Variants in AGBL4 observed in about 807,000 individuals in gnomAD.
AGBL4 encodes the protein AGBL carboxypeptidase 4, also known as cytosolic carboxypeptidase 6.
Under a neutral mutation model 66.4 loss-of-function variants are expected in AGBL4, and 58 were observed. That is an observed-to-expected ratio of 0.87 (90% CI 0.71 to 1.09). The LOEUF is 1.09. Ranked by LOEUF, AGBL4 falls within the 50% of genes least tolerant of loss-of-function variation. AGBL4 has a pLI of 0.00. For missense variants in AGBL4, 579 were observed against 631.0 expected, an observed-to-expected ratio of 0.92 and a Z score of 0.88; for synonymous variants, 234 against 222.9, an observed-to-expected ratio of 1.05 and a Z score of -0.44.
chr1:48,680,326 T>C (rs1029082821), intron 6 of AGBL4, among the ~76,000 whole-genome samples: 3 of 152,216 alleles, frequency 2.0e-5, no homozygotes, highest in Non-Finnish European at 4.4e-5. Flanking sequence ...ATCGTGTCCG[T>C]TACCTTGCAA....
At chr1:48,954,275 A>G (rs1657248824) in intron 5 of AGBL4, among the ~76,000 whole-genome samples, 1 of 152,236 alleles carries the variant, frequency 6.6e-6, no homozygotes, top group Admixed American at 6.5e-5. Flanking sequence ...ACTCTCCCAG[A>G]AATAAACCAC....
chr1:49,036,817 A>C (rs1418301048), intron 5 of AGBL4, among the ~76,000 whole-genome samples: 1 of 150,146 alleles, frequency 6.7e-6, no homozygotes, highest in African/African-American at 2.5e-5. Flanking sequence ...TCAGTTTTTC[A>C]GCCTTGTCTT....
chr1:48,631,474 T>G (rs904150726), intron 9 of AGBL4, among the ~76,000 whole-genome samples: 26 of 152,182 alleles, frequency 1.7e-4, no homozygotes, highest in African/African-American at 6.3e-4. Context: ...CACTGCAACC[T>G]CCGTCTCCCA....
Position 49,938,043 on chromosome 1 carries a change from T to C in AGBL4, c.34+85720A>G, listed in dbSNP as rs538799322. The stretch of plus-strand genomic sequence containing the variant: ...AGACAAAAAAAGCCCTTGAAAAAAT[T>C]AATGAATCCAGGAGCTGGTTTTTTG... On this transcript the variant is annotated intron_variant, in intron 1 of 13. Transcript: ENST00000371839. 1.6e-3 allele frequency among the ~76,000 whole-genome samples: 240 copies of C among 150,082 alleles called. 3 individuals are homozygous for C. The highest frequency in any genetic ancestry group is 5.1e-3 in the African/African-American group (205 of 40,334).
rs1312772875 is a variant in AGBL4, at chr1:49,286,994, G to A, written c.283-41130C>T. Among the ~76,000 whole-genome samples, 15 of 151,976 alleles carry A rather than the reference G, an allele frequency of 9.9e-5. No individual in the cohort carries two copies. The South Asian group carries it at 2.1e-3, about 21-fold the overall frequency. Reference sequence around the variant, plus strand: ...AAGGCTATAGTAACCAAAACAGCACGGTACTGGTACCAAAACAGAGATATA... The same window carrying A: ...AAGGCTATAGTAACCAAAACAGCACAGTACTGGTACCAAAACAGAGATATA... On this transcript the variant is annotated intron_variant, in intron 3 of 13. Transcript: ENST00000371839.
At chr1:49,038,369 A>G (rs1664831425) in intron 5 of AGBL4, among the ~76,000 whole-genome samples, 1 of 152,116 alleles carries the variant, frequency 6.6e-6, no homozygotes. Flanking sequence ...TAGAAGCCTT[A>G]CTGGCTTAGG....
intron 4 of AGBL4, among the ~76,000 whole-genome samples, chr1:49,189,105 C>T (rs559009621): frequency 6.6e-6 from 1 of 152,158 alleles, no homozygotes; most frequent in African/African-American, 2.4e-5. Context: ...TGTTACCACA[C>T]AGCCAGTGAG....
intron 1 of AGBL4, among the ~76,000 whole-genome samples, chr1:50,015,560 G>C (rs1661914784): frequency 6.6e-6 from 1 of 152,192 alleles, no homozygotes; most frequent in Non-Finnish European, 1.5e-5. Flanking sequence ...GGGAGGCTGA[G>C]ATGAGACCAT....
intron 1 of AGBL4, among the ~76,000 whole-genome samples, chr1:50,016,010 A>G (rs1325803543): frequency 1.3e-5 from 2 of 152,238 alleles, no homozygotes; most frequent in South Asian, 4.1e-4. Context: ...TGTAAAAACT[A>G]AAACTGTAAA....
intron 9 of AGBL4, among the ~76,000 whole-genome samples, chr1:48,626,887 T>G (rs1645511749): frequency 6.6e-6 from 1 of 152,182 alleles, no homozygotes. Context: ...GATGTGATTT[T>G]TAACAGGGGT....
chr1:48,610,824 C>G (rs543395014), intron 9 of AGBL4, among the ~76,000 whole-genome samples: 19 of 152,298 alleles, frequency 1.2e-4, no homozygotes, highest in Admixed American at 1.0e-3. Flanking sequence ...CCTCAGGAAA[C>G]CAGCTTCTGA....
At chr1:50,001,952 G>T (rs1226203279) in intron 1 of AGBL4, among the ~76,000 whole-genome samples, 1 of 152,212 alleles carries the variant, frequency 6.6e-6, no homozygotes, top group African/African-American at 2.4e-5. Context: ...AGCATGGCAT[G>T]GTGGAAATGA....
At chr1:49,998,809 A>C (rs1012107540) in intron 1 of AGBL4, among the ~76,000 whole-genome samples, 2 of 152,234 alleles carry the variant, frequency 1.3e-5, no homozygotes, top group Non-Finnish European at 2.9e-5. Flanking sequence ...GAAACACTGC[A>C]TAAACAGAAT....
intron 5 of AGBL4, among the ~76,000 whole-genome samples, chr1:49,019,191 G>T (rs974665224): frequency 6.6e-6 from 1 of 152,034 alleles, no homozygotes; most frequent in Non-Finnish European, 1.5e-5. Flanking sequence ...GGATGCTGTG[G>T]AAAAACTCTG....
chr1:49,452,436 C>A (rs1412934264), intron 3 of AGBL4, among the ~76,000 whole-genome samples: 3 of 151,792 alleles, frequency 2.0e-5, no homozygotes, highest in African/African-American at 7.3e-5. Flanking sequence ...GAAACCTTGT[C>A]GAATCTGTGT....
At chr1:48,861,987 A>C (rs10788898) in intron 6 of AGBL4, among the ~76,000 whole-genome samples, 134,986 of 151,820 alleles carry the variant, frequency 0.89, 60,595 homozygotes, top group Non-Finnish European at 0.96. Context: ...CAAATATAAT[A>C]TTTTACCACC....
At chr1:49,662,378 C>G (rs943519320) in intron 3 of AGBL4, among the ~76,000 whole-genome samples, 1 of 151,968 alleles carries the variant, frequency 6.6e-6, no homozygotes. Flanking sequence ...CAATTTCCCT[C>G]AAAAATAGTT....
chr1:49,074,948 A>G (rs1160593878), intron 4 of AGBL4, among the ~76,000 whole-genome samples: 4 of 152,202 alleles, frequency 2.6e-5, no homozygotes, highest in Non-Finnish European at 5.9e-5. Flanking sequence ...TATACGCACC[A>G]AGACAAAATA....
intron 6 of AGBL4, among the ~76,000 whole-genome samples, chr1:48,796,228 C>G (rs1645670757): frequency 1.3e-5 from 2 of 152,160 alleles, no homozygotes; most frequent in South Asian, 4.1e-4. Context: ...GGTTAGGATG[C>G]TTGTTCTCTG....
Sources: allele counts gnomAD v4.1 joint callset (sites outside exome capture counted in the v4.1 genomes callset), GRCh38; gene constraint gnomAD v4.1.1; transcripts MANE v1.5; gene names NCBI Gene and HGNC (gene_info 2026-07-23, HGNC 2026-07-21).